KCNH5: variants seen among roughly 807,000 people sequenced by gnomAD.
KCNH5 encodes the protein potassium voltage-gated channel subfamily H member 5.
Under a neutral mutation model 96.1 loss-of-function variants are expected in KCNH5, and 46 were observed. The ratio of observed to expected loss-of-function variants is 0.48; its 90% confidence interval spans 0.38 to 0.61. KCNH5 has a LOEUF of 0.61. Among genes scored for constraint, KCNH5 ranks in the 20% least tolerant of loss-of-function variants. The pLI, the probability that KCNH5 is intolerant of heterozygous loss-of-function variation, is 0.00. For missense variants in KCNH5, 907 were observed against 1,225.8 expected (o/e 0.74, Z 3.88); for synonymous variants, 439 against 449.8 (o/e 0.98, Z 0.30).
chr14:62,930,744 A>T (rs1216056266), intron 7 of KCNH5, among the ~76,000 whole-genome samples: 1 of 152,128 alleles, frequency 6.6e-6, no homozygotes, highest in African/African-American at 2.4e-5. Flanking sequence ...TCATTTTTTT[A>T]AATTTAGTTC....
intron 8 of KCNH5, among the ~76,000 whole-genome samples, chr14:62,824,814 T>C (rs997953748): frequency 2.0e-5 from 3 of 152,042 alleles, no homozygotes; most frequent in African/African-American, 7.2e-5. Context: ...TGTTGCCATC[T>C]TTACGTCCAT....
chr14:62,848,742 C>A (rs979602184), intron 8 of KCNH5, among the ~76,000 whole-genome samples: 3 of 151,758 alleles, frequency 2.0e-5, no homozygotes, highest in Admixed American at 2.0e-4. Flanking sequence ...AAAGAAAAAC[C>A]GTAAGTCAAC....
intron 8 of KCNH5, among the ~76,000 whole-genome samples, chr14:62,840,572 T>C (rs1421578061): frequency 8.3e-5 from 11 of 133,114 alleles, no homozygotes; most frequent in Admixed American, 5.9e-4. Flanking sequence ...TTTTCTTTTT[T>C]TTTTTTTTTT....
chr14:62,745,187 T>TA (rs1885350764), intron 10 of KCNH5, among the ~76,000 whole-genome samples: 1 of 152,134 alleles, frequency 6.6e-6, no homozygotes, highest in Admixed American at 6.5e-5. Context: ...GTGCAGCAAA[T>TA]AAATTCATGG....
intron 7 of KCNH5, among the ~76,000 whole-genome samples, chr14:62,914,630 T>C (rs924012365): frequency 6.6e-6 from 1 of 152,198 alleles, no homozygotes; most frequent in African/African-American, 2.4e-5. Context: ...CATGTATGTG[T>C]TTCTTTGGAG....
At chr14:63,037,303 G>A (rs994474971) in intron 1 of KCNH5, among the ~76,000 whole-genome samples, 2 of 152,126 alleles carry the variant, frequency 1.3e-5, no homozygotes, top group Admixed American at 1.3e-4. Context: ...TTATAAATAT[G>A]CACATGCCCT....
At chr14:62,831,898 A>G (rs1887358812) in intron 8 of KCNH5, among the ~76,000 whole-genome samples, 1 of 152,008 alleles carries the variant, frequency 6.6e-6, no homozygotes. Flanking sequence ...TTTTTTGTAG[A>G]GACAAAGTCT....
At chr14:62,944,119 C>T (rs1171233959) in intron 7 of KCNH5, among the ~76,000 whole-genome samples, 1 of 152,072 alleles carries the variant, frequency 6.6e-6, no homozygotes, top group African/African-American at 2.4e-5. Context: ...ACAGAGCCCA[C>T]ATCCAACTTA....
intron 7 of KCNH5, among the ~76,000 whole-genome samples, chr14:62,900,002 AT>A (rs1216685064): frequency 2.0e-5 from 3 of 152,198 alleles, no homozygotes; most frequent in Non-Finnish European, 2.9e-5. Context: ...AGATGACATA[AT>A]TGCCATGATC....
chr14:62,707,156 T>G lies in KCNH5; in HGVS notation c.*352A>C, dbSNP rs539852328. ...GAAAATGATAGCTCGATATACATAC[T>G]CAGCCTGAGATCAAATTTGTCATGG... On this transcript the variant is annotated 3_prime_UTR_variant, in exon 11 of 11. Transcript: ENST00000322893. The G allele has an allele frequency of 6.5e-6, 1 of 154,966 alleles. No individual in the cohort carries two copies. Among genetic ancestry groups the G allele is most frequent in the African/African-American group, 2.4e-5 (1 of 41,676 alleles). 9.6% of individuals were successfully genotyped at this position (154,966 alleles called of 1,614,324 possible).
In KCNH5 at chr14:62,700,811, G is replaced by A. The variant is rs544926052; in HGVS notation, c.*6697C>T. Reference sequence around the variant, plus strand: ...GTTGAAAAAGTTGAGGAGCAAATGAGGGGTCCATGGCAACAATGGTTCTAG... The same window carrying A: ...GTTGAAAAAGTTGAGGAGCAAATGAAGGGTCCATGGCAACAATGGTTCTAG... On this transcript the variant is annotated 3_prime_UTR_variant, in exon 11 of 11. Transcript: ENST00000322893. 2 of 152,206 alleles carry A rather than the reference G, an allele frequency of 1.3e-5. No individual in the cohort carries two copies. Among genetic ancestry groups the A allele is most frequent in the South Asian group, 4.1e-4 (2 of 4,820 alleles). 9.4% of individuals were successfully genotyped at this position (152,206 alleles called of 1,614,324 possible). A position where few individuals can be genotyped will look rare whatever the true frequency, so the allele number is the denominator to read the frequency against.
intron 8 of KCNH5, among the ~76,000 whole-genome samples, chr14:62,822,316 G>C (rs1052346317): frequency 6.6e-6 from 1 of 151,972 alleles, no homozygotes; most frequent in Non-Finnish European, 1.5e-5. Context: ...GAAGACCTAA[G>C]ACCACTGAAA....
At chr14:63,001,510 A>C (rs192790599) in intron 3 of KCNH5, 51 bp from the exon 4 acceptor site, 336 of 1,534,828 alleles carry the variant, frequency 2.2e-4, no homozygotes, top group Middle Eastern at 1.1e-3. Context: ...GCACGGCCAC[A>C]GCAGTGGTTT....
At chr14:62,995,794 C>A (rs888036864) in intron 4 of KCNH5, among the ~76,000 whole-genome samples, 1 of 152,082 alleles carries the variant, frequency 6.6e-6, no homozygotes, top group African/African-American at 2.4e-5. Flanking sequence ...AAGAAAGCTT[C>A]CACTATATAT....
chr14:62,789,068 T>C (rs973937020), intron 9 of KCNH5, among the ~76,000 whole-genome samples: 2 of 152,092 alleles, frequency 1.3e-5, no homozygotes, highest in Non-Finnish European at 2.9e-5. Context: ...TCCTTTGACC[T>C]ACATGTACTC....
chr14:62,818,956 T>A (rs1481843425), intron 8 of KCNH5, among the ~76,000 whole-genome samples: 1 of 152,178 alleles, frequency 6.6e-6, no homozygotes, highest in Non-Finnish European at 1.5e-5. Context: ...ATATTCTTTA[T>A]TTATTTATTT....
chr14:62,802,403 C>T lies in KCNH5; in HGVS notation c.1748G>A (p.Ser583Asn). The T allele has an allele frequency of 6.2e-7, 1 of 1,614,178 alleles. No homozygotes were observed. Among genetic ancestry groups the T allele is most frequent in the Non-Finnish European group, 8.5e-7 (1 of 1,180,010 alleles). Residue 583 changes from serine (S) to asparagine (N), a missense_variant, in exon 9 of 11, where the codon AGT becomes AAT. This residue lies in a region of KCNH5 where 20 missense variants were observed against 57.9 expected (regional missense o/e 0.35). Coordinates refer to ENST00000322893, the MANE Select transcript of KCNH5 (RefSeq NM_139318.5). ...PGDLIYHAGE[S>N]VDALCFVVSG... ...CACCACAAAGCAGAGGGCATCCACA[C>T]TTTCTCCAGCATGGTAAATGAGGTC...
intron 7 of KCNH5, among the ~76,000 whole-genome samples, chr14:62,861,611 G>C (rs1485633108): frequency 2.7e-5 from 4 of 145,874 alleles, no homozygotes; most frequent in Non-Finnish European, 6.0e-5. Context: ...TTAGGAAAAG[G>C]CACATTTCCC....
intron 6 of KCNH5, among the ~76,000 whole-genome samples, chr14:62,970,761 A>G (rs1197981464): frequency 6.6e-6 from 1 of 152,150 alleles, no homozygotes; most frequent in African/African-American, 2.4e-5. Flanking sequence ...TGATCATATC[A>G]ATGGATGTAG....
Sources: gnomAD v4.1 joint callset for allele counts (sites outside exome capture counted in the v4.1 genomes callset) on GRCh38, gnomAD v4.1.1 for gene constraint, gnomAD v4.1.1 regional missense constraint, MANE v1.5 for transcripts, NCBI Gene and HGNC (gene_info 2026-07-23, HGNC 2026-07-21) for gene names.